Variants in CTNNA3 observed in about 807,000 individuals in gnomAD.
CTNNA3 encodes the protein catenin alpha-3.
In CTNNA3, 76 loss-of-function variants were observed where a neutral mutation model predicts 95.7. That is an observed-to-expected ratio of 0.79 (90% confidence interval 0.66 to 0.96). CTNNA3 has a LOEUF of 0.96. Among genes scored for constraint, CTNNA3 ranks in the 40% least tolerant of loss-of-function variants. The pLI, the probability that CTNNA3 is intolerant of heterozygous loss-of-function variation, is 0.00. For missense variants in CTNNA3, 1,191 were observed against 1,089.8 expected (o/e 1.09, Z -1.31); for synonymous variants, 431 against 374.4 (o/e 1.15, Z -1.74).
intron 4 of CTNNA3, among the ~76,000 whole-genome samples, chr10:67,525,158 G>C: frequency 6.8e-6 from 1 of 147,940 alleles, no homozygotes; most frequent in East Asian, 2.0e-4. Flanking sequence ...TTTATCCTGT[G>C]TTTTTTTTTT....
chr10:67,647,411 A>C lies in CTNNA3; in HGVS notation c.99+4T>G. 6.2e-7 allele frequency: 1 copy of C among 1,604,474 alleles called. No homozygotes were observed. Among genetic ancestry groups the C allele is most frequent in the Non-Finnish European group, 8.5e-7 (1 of 1,171,946 alleles). On this transcript the variant is annotated splice_donor_region_variant and intron_variant, in intron 2 of 17. Transcript: ENST00000433211. ...ATATATCATAATTTCCATGGTATTAATACCTGGATTATGAGAGGCTCCAGT... is the reference window on the plus strand; with the variant it reads ...ATATATCATAATTTCCATGGTATTACTACCTGGATTATGAGAGGCTCCAGT...
chr10:66,006,684 C>T (rs2078893550), intron 15 of CTNNA3, among the ~76,000 whole-genome samples: 2 of 152,148 alleles, frequency 1.3e-5, no homozygotes, highest in African/African-American at 4.8e-5. Flanking sequence ...GATATACTGG[C>T]TGCCCCTGCT....
intron 8 of CTNNA3, among the ~76,000 whole-genome samples, chr10:66,772,160 T>C (rs1435442870): frequency 1.3e-5 from 2 of 152,132 alleles, no homozygotes; most frequent in African/African-American, 4.8e-5. Context: ...GCCTGGTGGC[T>C]CACACCTGTA....
chr10:67,548,752 G>A (rs1840922524), intron 3 of CTNNA3, among the ~76,000 whole-genome samples: 1 of 151,452 alleles, frequency 6.6e-6, no homozygotes, highest in Non-Finnish European at 1.5e-5. Context: ...AAAAATTGAT[G>A]AACTGGACAA....
chr10:67,623,011 C>T (rs945638233), intron 2 of CTNNA3, among the ~76,000 whole-genome samples: 1 of 152,138 alleles, frequency 6.6e-6, no homozygotes, highest in Non-Finnish European at 1.5e-5. Flanking sequence ...TTGCTTACAA[C>T]GTGCCCTACA....
chr10:67,667,341 C>A (rs1840349952), intron 1 of CTNNA3, among the ~76,000 whole-genome samples: 1 of 152,090 alleles, frequency 6.6e-6, no homozygotes, highest in African/African-American at 2.4e-5. Context: ...ATTTTACTAT[C>A]TAATTAGCTA....
rs150838958 is a variant in CTNNA3 at position 66,904,042 on chromosome 10, T to A, written c.1048-128518A>T. The stretch of plus-strand genomic sequence containing the variant: ...GGAAAAAACTACTGTAAAGTTCATA[T>A]AGAACCAAAAAGGAGCCTGCATAGC... On this transcript the variant is annotated intron_variant, in intron 7 of 17. Coordinates refer to ENST00000433211, the MANE Select transcript of CTNNA3 (RefSeq NM_013266.4). 3.6e-3 allele frequency among the ~76,000 whole-genome samples: 542 copies of A among 152,210 alleles called. 2 individuals carry two copies. Among genetic ancestry groups the A allele is most frequent in the African/African-American group, 0.012 (514 of 41,518 alleles).
intron 9 of CTNNA3, among the ~76,000 whole-genome samples, chr10:66,674,170 TC>T (rs1265541695): frequency 2.6e-5 from 4 of 152,098 alleles, no homozygotes. Flanking sequence ...GCTGAGATTT[TC>T]TAACTTCTTC....
Position 65,968,572 on chromosome 10 carries a change from T to C in CTNNA3, c.2266-1826A>G, listed in dbSNP as rs183887805. ...CTTCCCTACCCTTTCTGTGCATAGA[T>C]TGTGGTGTAGCAGGCCCTCTCCACT... is the stretch of plus-strand genomic sequence containing the variant. On this transcript the variant is annotated intron_variant, in intron 16 of 17. Transcript: ENST00000433211. 3.8e-4 allele frequency among the ~76,000 whole-genome samples: 58 copies of C among 152,124 alleles called. 1 individual carries two copies. The highest frequency in any genetic ancestry group is 1.2e-3 in the African/African-American group (50 of 41,502).
intron 10 of CTNNA3, among the ~76,000 whole-genome samples, chr10:66,619,275 A>G (rs369908819): frequency 1.3e-4 from 19 of 151,222 alleles, no homozygotes; most frequent in African/African-American, 3.4e-4. Flanking sequence ...TGTTTATTGC[A>G]GCACTATTCA....
chr10:67,574,349 C>T (rs1182942124), intron 3 of CTNNA3, among the ~76,000 whole-genome samples: 1 of 152,086 alleles, frequency 6.6e-6, no homozygotes, highest in East Asian at 1.9e-4. Context: ...ACCTCTGTGT[C>T]CTTACCCTTT....
intron 11 of CTNNA3, among the ~76,000 whole-genome samples, chr10:66,507,733 T>A (rs1840501441): frequency 6.6e-6 from 1 of 152,166 alleles, no homozygotes; most frequent in African/African-American, 2.4e-5. Context: ...TATTACATTT[T>A]CTTTATTTAT....
At chr10:67,143,516 C>T (rs538259866) in intron 7 of CTNNA3, among the ~76,000 whole-genome samples, 1 of 150,212 alleles carries the variant, frequency 6.7e-6, no homozygotes, top group South Asian at 2.1e-4. Flanking sequence ...AAATTGTAGT[C>T]AATCCTCTCA....
intron 3 of CTNNA3, among the ~76,000 whole-genome samples, chr10:67,540,414 A>G (rs191535244): frequency 2.0e-4 from 31 of 152,122 alleles, no homozygotes; most frequent in African/African-American, 7.0e-4. Context: ...TAAAAGTACT[A>G]TAATACGTGT....
At chr10:66,650,686 A>C (rs981417688) in intron 9 of CTNNA3, among the ~76,000 whole-genome samples, 1 of 152,078 alleles carries the variant, frequency 6.6e-6, no homozygotes, top group Non-Finnish European at 1.5e-5. Flanking sequence ...TTCAGGAATG[A>C]AGCTGCAGAC....
At chr10:66,330,517 G>T (rs938344312) in intron 12 of CTNNA3, among the ~76,000 whole-genome samples, 3 of 152,072 alleles carry the variant, frequency 2.0e-5, no homozygotes, top group Non-Finnish European at 4.4e-5. Context: ...TGGGAATAGT[G>T]CCACAGTAAA....
chr10:66,367,877 AATAATTATT>A (rs1362765787), intron 12 of CTNNA3, among the ~76,000 whole-genome samples: 186 of 46,608 alleles, frequency 4.0e-3, no homozygotes, highest in African/African-American at 0.013. Context: ...TAATAATAAT[AATAATTATT>A]ATTATTATTA....
In CTNNA3 at chr10:66,469,082, T is replaced by C. The variant is rs115246044; in HGVS notation, c.1531+51535A>G. On this transcript the variant is annotated intron_variant, in intron 11 of 17. Coordinates refer to ENST00000433211, the MANE Select transcript of CTNNA3 (RefSeq NM_013266.4). ...GCATGGTGGCATCTATTAATTCATT[T>C]AATATTTATTAAATAGTTTGTGCCA... 4.0e-3 allele frequency among the ~76,000 whole-genome samples: 608 copies of C among 152,080 alleles called. 7 individuals are homozygous for C. Among genetic ancestry groups the C allele is most frequent in the African/African-American group, 0.014 (595 of 41,536 alleles).
At chr10:66,511,148 C>T in intron 11 of CTNNA3, among the ~76,000 whole-genome samples, 1 of 151,596 alleles carries the variant, frequency 6.6e-6, no homozygotes, top group African/African-American at 2.4e-5. Context: ...TATCCATTTC[C>T]TTTATGTTTT....
Sources: gnomAD v4.1 joint callset for allele counts (sites outside exome capture counted in the v4.1 genomes callset) on GRCh38, gnomAD v4.1.1 for gene constraint, MANE v1.5 for transcripts, NCBI Gene and HGNC (gene_info 2026-07-23, HGNC 2026-07-21) for gene names.